Variants in CNR1 observed in about 807,000 individuals in gnomAD.
The protein encoded by CNR1 is cannabinoid receptor 1 (brain).
CNR1 carries 10 observed loss-of-function variants against 23.0 expected under a neutral mutation model. That is an observed-to-expected ratio of 0.43 (90% confidence interval 0.27 to 0.74). The LOEUF (loss-of-function observed/expected upper bound fraction) is 0.74. CNR1 is among the 30% of genes least tolerant of loss of function. CNR1 has a pLI of 0.19. For synonymous variants in CNR1, 271 were observed against 255.2 expected, an observed-to-expected ratio of 1.06 and a Z score of -0.59; for missense variants, 422 against 618.8, an observed-to-expected ratio of 0.68 and a Z score of 3.37.
In CNR1 at chr6:88,144,824, G is replaced by C. The variant is rs756727581; in HGVS notation, c.451C>G (p.Pro151Ala). ...ILHSRSLRCR[P>A]SYHFIGSLAV... ...AGGCTGCCGATGAAGTGGTAGGAAG[G>C]CCTGCAGCGGAGGCTGCGGGAGTGG... Residue 151 changes from proline to alanine, a missense_variant, in exon 2 of 2, where the codon CCT (proline) becomes GCT (alanine). Around this residue, in one of 4 missense-constraint regions of CNR1, gnomAD observed 211 missense variants for 357.3 expected, o/e 0.59. Transcript: ENST00000369501. This position sits in a 1 kb window ranked among gnomAD's most constrained non-coding sequence, Gnocchi z 7.8. 2 of 1,614,202 alleles carry C rather than the reference G, an allele frequency of 1.2e-6. No homozygotes were observed. Among genetic ancestry groups the C allele is most frequent in the South Asian group, 2.2e-5 (2 of 91,076 alleles).
chr6:88,160,833 A>T (rs1439260370), intron 1 of CNR1, among the ~76,000 whole-genome samples: 2 of 152,224 alleles, frequency 1.3e-5, no homozygotes, highest in African/African-American at 4.8e-5. Flanking sequence ...TATTGATTCC[A>T]ATTTTCTTCT....
intron 1 of CNR1, among the ~76,000 whole-genome samples, chr6:88,148,742 A>G (rs943976697): frequency 6.6e-6 from 1 of 152,206 alleles, no homozygotes; most frequent in Non-Finnish European, 1.5e-5. Flanking sequence ...GGCTACAGAG[A>G]GGCAAACAAG....
At chr6:88,158,285 G>A (rs897636341) in intron 1 of CNR1, among the ~76,000 whole-genome samples, 1 of 152,144 alleles carries the variant, frequency 6.6e-6, no homozygotes, top group East Asian at 1.9e-4. Flanking sequence ...ATTCCGGATC[G>A]AGCCCTTCTT....
At position 88,166,167 on chromosome 6, in the gene CNR1, G is replaced by C. The variant is rs988749455; in HGVS notation, c.-428C>G. On this transcript the variant is annotated 5_prime_UTR_variant, in exon 1 of 2. Transcript: ENST00000369501. The stretch of plus-strand genomic sequence containing the variant: ...CCAGCGCCCGCCCGCGACAGCGACC[G>C]GGACTGGCGCCCCGCTGCTCCGACC... The C allele has an allele frequency of 2.0e-5, 3 of 151,976 alleles. No individual in the cohort carries two copies. Among genetic ancestry groups the C allele is most frequent in the Non-Finnish European group, 4.4e-5 (3 of 68,008 alleles). 9.4% of individuals were successfully genotyped at this position (151,976 alleles called of 1,614,324 possible). A position where few individuals can be genotyped will look rare whatever the true frequency, so the allele number is the denominator to read the frequency against.
At chr6:88,154,321 C>G (rs1231544139) in intron 1 of CNR1, among the ~76,000 whole-genome samples, 1 of 152,158 alleles carries the variant, frequency 6.6e-6, no homozygotes, top group Non-Finnish European at 1.5e-5. Flanking sequence ...CATTTAGAGA[C>G]TAGTTAAAAC....
At chr6:88,145,567 C>T (rs888926675) in intron 1 of CNR1, among the ~76,000 whole-genome samples, 1 of 152,296 alleles carries the variant, frequency 6.6e-6, no homozygotes, top group Middle Eastern at 3.4e-3. Context: ...ATCACCTTTT[C>T]ATTATTTAAA....
intron 1 of CNR1, among the ~76,000 whole-genome samples, chr6:88,159,822 A>G (rs1777992581): frequency 6.6e-6 from 1 of 152,242 alleles, no homozygotes; most frequent in Non-Finnish European, 1.5e-5. Flanking sequence ...AATGAGCTGA[A>G]AATTGGATCC....
chr6:88,147,569 TAAGAA>T (rs1319411015), intron 1 of CNR1: 3 of 152,210 alleles, frequency 2.0e-5, no homozygotes, highest in African/African-American at 7.2e-5. Context: ...TCATGATTCT[TAAGAA>T]AAGTAATTTG....
In CNR1 at chr6:88,140,290, T is replaced by C. The variant is rs1485919184; in HGVS notation, c.*3566A>G. On this transcript the variant is annotated 3_prime_UTR_variant, in exon 2 of 2. Transcript: ENST00000369501. ...CAGATACAAGAAAAGGTTTCCTTTC[T>C]TGGGAACTCTGATCCCCAGTAGGCC... is the stretch of plus-strand genomic sequence containing the variant. The C allele has an allele frequency of 6.5e-6, 1 of 152,778 alleles. No homozygotes were observed. Among genetic ancestry groups the C allele is most frequent in the African/African-American group, 2.4e-5 (1 of 41,452 alleles). 9.5% of individuals were successfully genotyped at this position (152,778 alleles called of 1,614,324 possible).
chr6:88,151,884 C>T (rs1037393488), intron 1 of CNR1, among the ~76,000 whole-genome samples: 1 of 151,892 alleles, frequency 6.6e-6, no homozygotes, highest in Admixed American at 6.6e-5. Flanking sequence ...GTCAAGGCAA[C>T]CCTATCAGGT....
At chr6:88,162,148 C>T (rs1021581000) in intron 1 of CNR1, among the ~76,000 whole-genome samples, 5 of 152,190 alleles carry the variant, frequency 3.3e-5, no homozygotes, top group African/African-American at 9.7e-5. Context: ...GCCTCGTTTC[C>T]ATTCAAGGTG....
chr6:88,144,025 C>A lies in CNR1; in HGVS notation c.1250G>T (p.Gly417Val). The A allele has an allele frequency of 6.2e-7, 1 of 1,614,070 alleles. No individual in the cohort carries two copies. Among genetic ancestry groups the A allele is most frequent in the Non-Finnish European group, 8.5e-7 (1 of 1,180,010 alleles). Residue 417 changes from glycine to valine, a missense_variant, in exon 2 of 2, where the codon GGC becomes GTC. Coordinates refer to ENST00000369501, the MANE Select transcript of CNR1 (RefSeq NM_016083.6). This position sits in a 1 kb window ranked among gnomAD's most constrained non-coding sequence, Gnocchi z 7.8. Reference sequence around the variant, plus strand: ...GCTGTTATCCAGAGGCTGCGCAGTGCCTTCACAAGAGGGAAACATGCTCCG... The same window carrying A: ...GCTGTTATCCAGAGGCTGCGCAGTGACTTCACAAGAGGGAAACATGCTCCG... ...AFRSMFPSCE[G>V]TAQPLDNSMG...
At position 88,144,833 on chromosome 6, in the gene CNR1, G is replaced by A. The variant is rs1482444652; in HGVS notation, c.442C>T (p.Arg148Cys). The A allele has an allele frequency of 3.1e-6, 5 of 1,614,038 alleles. No homozygotes were observed. The highest frequency in any genetic ancestry group is 4.5e-5 in the East Asian group (2 of 44,896). The change falls in exon 2 of 2, where the codon CGC becomes TGC. Residue 148 changes from arginine (R) to cysteine (C), a missense_variant. Coordinates refer to ENST00000369501, the MANE Select transcript of CNR1 (RefSeq NM_016083.6). The surrounding 1 kb of genome is among the most constrained non-coding windows in gnomAD (Gnocchi z 7.8). ...ATGAAGTGGTAGGAAGGCCTGCAGC[G>A]GAGGCTGCGGGAGTGGAGGATGACG... Reference protein sequence around the residue: ...LCVILHSRSLRCRPSYHFIGS... With the variant: ...LCVILHSRSLCCRPSYHFIGS...
chr6:88,144,540 A>G lies in CNR1; in HGVS notation c.735T>C (p.Ile245=). The G allele has an allele frequency of 6.2e-7, 1 of 1,614,204 alleles. No homozygotes were observed. The highest frequency in any genetic ancestry group is 8.5e-7 in the Non-Finnish European group (1 of 1,180,042). Residue 245 remains isoleucine, a synonymous_variant, in exon 2 of 2, where the codon ATT becomes ATC. Transcript: ENST00000369501. The surrounding 1 kb of genome is among the most constrained non-coding windows in gnomAD (Gnocchi z 7.8). ...VAFCLMWTIA[I]VIAVLPLLGW... ...CCAGGAGAGGCAGCACGGCGATCACAATGGCTATGGTCCACATCAGGCAAA... is the reference window on the plus strand; with the variant it reads ...CCAGGAGAGGCAGCACGGCGATCACGATGGCTATGGTCCACATCAGGCAAA...
chr6:88,154,135 A>G (rs573851397), intron 1 of CNR1, among the ~76,000 whole-genome samples: 2 of 152,336 alleles, frequency 1.3e-5, no homozygotes, highest in South Asian at 4.1e-4. Flanking sequence ...ATTTTGTAAC[A>G]TAAAATAGAA....
At chr6:88,159,159 C>A (rs1264601688) in intron 1 of CNR1, among the ~76,000 whole-genome samples, 2 of 152,272 alleles carry the variant, frequency 1.3e-5, no homozygotes, top group East Asian at 3.9e-4. Flanking sequence ...GTGAAGGAAC[C>A]CATGATTATT....
In CNR1 at chr6:88,144,888, G is replaced by A. The variant is rs775211801; in HGVS notation, c.387C>T (p.Phe129=). 3 of 1,614,228 alleles carry A rather than the reference G, an allele frequency of 1.9e-6. No individual in the cohort carries two copies. The highest frequency in any genetic ancestry group is 2.5e-6 in the Non-Finnish European group (3 of 1,180,032). The change falls in exon 2 of 2, where the codon TTC becomes TTT. Residue 129 remains phenylalanine (F), a synonymous_variant. Coordinates refer to ENST00000369501, the MANE Select transcript of CNR1 (RefSeq NM_016083.6). The surrounding 1 kb of genome is among the most constrained non-coding windows in gnomAD (Gnocchi z 7.8). ...GCACCAGGAGGTTCTCCAGGACCGT[G>A]AAGGTGCCCAGCGTGAGGGACAGGA... ...IAVLSLTLGT[F]TVLENLLVLC...
chr6:88,143,811 TAA>T lies in CNR1; in HGVS notation c.*43_*44del, dbSNP rs745517223. 3.2e-6 allele frequency: 4 copies of T among 1,234,076 alleles called. No homozygotes were observed. Among genetic ancestry groups the T allele is most frequent in the East Asian group, 2.8e-5 (1 of 35,644 alleles). 76.4% of individuals were successfully genotyped at this position (1,234,076 alleles called of 1,614,324 possible). A position where few individuals can be genotyped will look rare whatever the true frequency, so the allele number is the denominator to read the frequency against. Reference sequence around the variant, plus strand: ...AATAGACTCTTCTAGATTTTGAGCTTAAAAAAAAAAATTCTTTTCCTGTGCTG... The same window carrying T: ...AATAGACTCTTCTAGATTTTGAGCTTAAAAAAAAATTCTTTTCCTGTGCTG... On this transcript the variant is annotated 3_prime_UTR_variant, in exon 2 of 2. Coordinates refer to ENST00000369501, the MANE Select transcript of CNR1 (RefSeq NM_016083.6).
At chr6:88,152,950 G>A (rs1172588492) in intron 1 of CNR1, among the ~76,000 whole-genome samples, 1 of 152,140 alleles carries the variant, frequency 6.6e-6, no homozygotes, top group African/African-American at 2.4e-5. Context: ...TATTAAAGAA[G>A]CAGTTGGTTT....
Sources: allele counts gnomAD v4.1 joint callset (sites outside exome capture counted in the v4.1 genomes callset), GRCh38; gene constraint gnomAD v4.1.1; regional missense constraint gnomAD v4.1.1; non-coding constraint Gnocchi (gnomAD v3.1); transcripts MANE v1.5; gene names NCBI Gene and HGNC (gene_info 2026-07-23, HGNC 2026-07-21).